Variants in SDAD1 observed in about 807,000 individuals in gnomAD.
SDAD1 encodes the protein SDA1 domain containing 1.
In SDAD1, 79 loss-of-function variants were observed where a neutral mutation model predicts 100.3. The ratio of observed to expected loss-of-function variants is 0.79; its 90% CI spans 0.66 to 0.95. The LOEUF is 0.95. Among genes scored for constraint, SDAD1 ranks in the 40% least tolerant of loss-of-function variants. The pLI is 0.00. For missense variants in SDAD1, 790 were observed against 810.9 expected (o/e 0.97, Z 0.31); for synonymous variants, 267 against 271.4 (o/e 0.98, Z 0.16).
chr4:75,962,856 G>C (rs1266165742), intron 14 of SDAD1, among the ~76,000 whole-genome samples: 1 of 152,132 alleles, frequency 6.6e-6, no homozygotes, highest in Non-Finnish European at 1.5e-5. Context: ...TGTTCACTCT[G>C]ATGGTAGTTT....
intron 21 of SDAD1, among the ~76,000 whole-genome samples, chr4:75,955,296 G>A (rs1728826284): frequency 6.6e-6 from 1 of 152,154 alleles, no homozygotes; most frequent in African/African-American, 2.4e-5. Context: ...AATAATAAAT[G>A]GTGGTATATC....
chr4:75,977,823 T>C (rs934640791), intron 3 of SDAD1, 67 bp from the exon 4 acceptor site: 2 of 929,266 alleles, frequency 2.2e-6, no homozygotes, highest in Non-Finnish European at 3.5e-6. Context: ...ATACAGCGTA[T>C]ATGTCCCAAG....
chr4:75,973,016 G>A (rs1295254391), intron 8 of SDAD1, among the ~76,000 whole-genome samples: 5 of 150,986 alleles, frequency 3.3e-5, no homozygotes, highest in Admixed American at 1.3e-4. Context: ...GCGAGACTCC[G>A]TCTTAAAAAA....
chr4:75,976,037 A>G (rs1173037409), intron 4 of SDAD1, 42 bp from the exon 5 acceptor site: 1 of 1,257,466 alleles, frequency 8.0e-7, no homozygotes, highest in Non-Finnish European at 1.1e-6. Flanking sequence ...AACCTAACCA[A>G]CATTTTTAAC....
chr4:75,982,348 T>A (rs1181623019), intron 1 of SDAD1, among the ~76,000 whole-genome samples: 1 of 152,188 alleles, frequency 6.6e-6, no homozygotes, highest in Admixed American at 6.5e-5. Flanking sequence ...TGCCAGTTAC[T>A]ATCTAAATGA....
chr4:75,968,376 TTTTTC>T (rs575563020), intron 11 of SDAD1, among the ~76,000 whole-genome samples: 106 of 151,952 alleles, frequency 7.0e-4, no homozygotes, highest in African/African-American at 2.2e-3. Context: ...TTGAAAAGTG[TTTTTC>T]TTTTCTTTTC....
Position 75,960,156 on chromosome 4 carries a change from G to A in SDAD1, c.1393C>T (p.Gln465Ter). The stretch of plus-strand genomic sequence containing the variant: ...TTAGCATCTAATTCTCCATATTCTT[G>A]TACTCTTGCTTCTATGGAGGCCTCT... ...PTEASIEARV[Q>*]EYGELDAKDY... The change falls in exon 17 of 22, where the codon CAA (glutamine) becomes TAA (stop). Residue 465 changes from glutamine to a stop codon, truncating the protein, a stop_gained. Coordinates refer to ENST00000356260, the MANE Select transcript of SDAD1 (RefSeq NM_018115.4). LOFTEE classifies it high-confidence loss of function. 1 of 1,610,132 alleles carries A rather than the reference G, an allele frequency of 6.2e-7. No individual in the cohort carries two copies.
In SDAD1 at chr4:75,969,459, T is replaced by A. The variant is rs929887460; in HGVS notation, c.884-60A>T. On this transcript the variant is annotated intron_variant, in intron 10 of 21. Coordinates refer to ENST00000356260, the MANE Select transcript of SDAD1 (RefSeq NM_018115.4). The stretch of plus-strand genomic sequence containing the variant: ...GTCTATGGTCTATGTGACATTTATG[T>A]AACAGGCGTAGGAAAAGACAATAGT... 5.4e-6 allele frequency: 6 copies of A among 1,117,650 alleles called. No homozygotes were observed. In the South Asian group the frequency reaches 7.9e-5, roughly 15 times the overall value. The allele number at this position is 1,117,650 out of a possible 1,614,324, so 69.2% of individuals were successfully genotyped here.
At chr4:75,983,984 C>A (rs965936830) in intron 1 of SDAD1, among the ~76,000 whole-genome samples, 2 of 151,980 alleles carry the variant, frequency 1.3e-5, no homozygotes, top group African/African-American at 4.8e-5. Flanking sequence ...AGGAAGGGGT[C>A]CAGTTTCAGC....
chr4:75,968,684 T>C (rs1406395197), intron 11 of SDAD1, among the ~76,000 whole-genome samples: 1 of 152,114 alleles, frequency 6.6e-6, no homozygotes, highest in Non-Finnish European at 1.5e-5. Flanking sequence ...ATATGTGCAT[T>C]ATATTGGCTC....
chr4:75,979,349 G>A (rs1730355026), intron 3 of SDAD1, among the ~76,000 whole-genome samples: 1 of 152,112 alleles, frequency 6.6e-6, no homozygotes, highest in Non-Finnish European at 1.5e-5. Flanking sequence ...GATAAGAATT[G>A]TTGGTTATCC....
chr4:75,962,140 C>T lies in SDAD1; in HGVS notation c.1182-832G>A, dbSNP rs544923294. On this transcript the variant is annotated intron_variant, in intron 14 of 21. Coordinates refer to ENST00000356260, the MANE Select transcript of SDAD1 (RefSeq NM_018115.4). Reference sequence around the variant, plus strand: ...TTCAATTCCCACCTGTGAGTGAGAACATGTGGTGTTTGGTTTTCTGTCCTT... The same window carrying T: ...TTCAATTCCCACCTGTGAGTGAGAATATGTGGTGTTTGGTTTTCTGTCCTT... Among the ~76,000 whole-genome samples, 9 of 152,228 alleles carry T rather than the reference C, an allele frequency of 5.9e-5. No individual in the cohort carries two copies. The South Asian group carries it at 1.7e-3, about 28-fold the overall frequency.
At chr4:75,963,772 C>T (rs1401596861) in intron 14 of SDAD1, among the ~76,000 whole-genome samples, 2 of 152,230 alleles carry the variant, frequency 1.3e-5, no homozygotes, top group Middle Eastern at 3.4e-3. Context: ...GACACCAATG[C>T]CATGCCCTTG....
intron 21 of SDAD1, among the ~76,000 whole-genome samples, chr4:75,952,766 C>T (rs570887999): frequency 6.6e-6 from 1 of 152,110 alleles, no homozygotes; most frequent in African/African-American, 2.4e-5. Flanking sequence ...TGTGGCTAGT[C>T]CAAATTGAGA....
Position 75,974,064 on chromosome 4 carries a change from A to G in SDAD1, c.636+12T>C. The G allele has an allele frequency of 6.2e-7, 1 of 1,611,974 alleles. No homozygotes were observed. Among genetic ancestry groups the G allele is most frequent in the Non-Finnish European group, 8.5e-7 (1 of 1,178,226 alleles). On this transcript the variant is annotated intron_variant, in intron 7 of 21. Coordinates refer to ENST00000356260, the MANE Select transcript of SDAD1 (RefSeq NM_018115.4). ...ACAGACAGAGCTTACACACAGCCCT[A>G]TAGGTGCTCACCTTGGTGACCTTAG...
Position 75,956,125 on chromosome 4 carries a change from T to C in SDAD1, c.1866A>G (p.Thr622=). The change falls in exon 21 of 22, where the codon ACA becomes ACG. Residue 622 remains threonine, a synonymous_variant. Transcript: ENST00000356260. ...TRLATAMAGK[T]DRKEFVRKKT... The stretch of plus-strand genomic sequence containing the variant: ...TCTTCCTCACAAATTCTTTTCGGTC[T>C]GTCTTTCCAGCCTACCAGAACAAAA... The C allele has an allele frequency of 1.9e-6, 3 of 1,606,450 alleles. No homozygotes were observed. Among genetic ancestry groups the C allele is most frequent in the African/African-American group, 2.7e-5 (2 of 74,320 alleles).
chr4:75,975,593 T>G lies in SDAD1; in HGVS notation c.578+151A>C, dbSNP rs940924713. On this transcript the variant is annotated intron_variant, in intron 6 of 21. Coordinates refer to ENST00000356260, the MANE Select transcript of SDAD1 (RefSeq NM_018115.4). Reference sequence around the variant, plus strand: ...ATGATAACCAATGTCATTAGTCATTTGAATTGCCTCTATTTTTACTTCCAA... The same window carrying G: ...ATGATAACCAATGTCATTAGTCATTGGAATTGCCTCTATTTTTACTTCCAA... 14 of 556,316 alleles carry G rather than the reference T, an allele frequency of 2.5e-5. 1 individual carries two copies. The Admixed American group carries it at 2.8e-4, about 11-fold the overall frequency. 34.5% of individuals were successfully genotyped at this position (556,316 alleles called of 1,614,324 possible).
At position 75,970,005 on chromosome 4, in the gene SDAD1, A is replaced by T. The variant is rs562039357; in HGVS notation, c.883+304T>A. 1.0e-3 allele frequency among the ~76,000 whole-genome samples: 151 copies of T among 147,222 alleles called. 3 individuals are homozygous for T. The East Asian group carries it at 0.015, about 14-fold the overall frequency. The stretch of plus-strand genomic sequence containing the variant: ...CAGACTAGGTTTTTTTTTTTTTTTT[A>T]AAAAAGGACCAACAAAAGACTGCCA... On this transcript the variant is annotated intron_variant, in intron 10 of 21. Coordinates refer to ENST00000356260, the MANE Select transcript of SDAD1 (RefSeq NM_018115.4).
At chr4:75,969,928 T>C (rs577640469) in intron 10 of SDAD1, among the ~76,000 whole-genome samples, 1 of 152,048 alleles carries the variant, frequency 6.6e-6, no homozygotes, top group South Asian at 2.1e-4. Flanking sequence ...ATGTGTGGCC[T>C]AGTTTGAGAA....
Sources: allele counts gnomAD v4.1 joint callset (sites outside exome capture counted in the v4.1 genomes callset), GRCh38; gene constraint gnomAD v4.1.1; transcripts MANE v1.5; gene names NCBI Gene and HGNC (gene_info 2026-07-23, HGNC 2026-07-21).